The following AFM variants were observed in gnomAD, a reference collection of about 807,000 sequenced individuals.
AFM encodes alpha-Alb.
Under a neutral mutation model 68.7 loss-of-function variants are expected in AFM, and 82 were observed. That is an observed-to-expected ratio of 1.19 (90% CI 1.00 to 1.43). AFM has a LOEUF of 1.43. Among genes scored for constraint, AFM ranks in the 40% most tolerant of loss-of-function variants. AFM has a pLI of 0.00. For missense variants in AFM, 772 were observed against 701.8 expected (o/e 1.10, Z -1.13); for synonymous variants, 250 against 234.2 (o/e 1.07, Z -0.61).
chr4:73,496,979 TAATGAGGTAGTCTGTTTCTGATCCTTA>T (rs998899083), intron 9 of AFM, among the ~76,000 whole-genome samples: 1 of 152,164 alleles, frequency 6.6e-6, no homozygotes, highest in African/African-American at 2.4e-5. Flanking sequence ...TAACTGTCCC[TAATGAGGTAGTCTGTTTCTGATCCTTA>T]AATTAATCAT....
intron 5 of AFM, 71 bp downstream of exon 5, chr4:73,487,170 T>C (rs1720925060): frequency 4.6e-6 from 7 of 1,521,522 alleles, no homozygotes; most frequent in South Asian, 3.6e-5. Flanking sequence ...CCCTGACTTA[T>C]ATTATAGCAA....
intron 8 of AFM, 124 bp downstream of exon 8, chr4:73,492,210 T>TC (rs1721092700): frequency 1.2e-6 from 1 of 857,908 alleles, no homozygotes; most frequent in Non-Finnish European, 1.8e-6. Context: ...ATATAATTTT[T>TC]TTTTAAATCA....
chr4:73,486,896 C>T, intron 4 of AFM, 71 bp from the exon 5 acceptor site: 2 of 1,477,156 alleles, frequency 1.4e-6, no homozygotes, highest in African/African-American at 1.4e-5. Flanking sequence ...CCTTCCCTTC[C>T]CTTGTCTACA....
chr4:73,495,459 A>G (rs1721231336), intron 9 of AFM, 27 bp downstream of exon 9: 1 of 1,592,852 alleles, frequency 6.3e-7, no homozygotes, highest in South Asian at 1.2e-5. Context: ...TAGGTTCAGA[A>G]AATCAAAAAA....
chr4:73,492,172 C>A, intron 8 of AFM, 86 bp downstream of exon 8: 1 of 1,218,054 alleles, frequency 8.2e-7, no homozygotes, highest in Non-Finnish European at 1.2e-6. Flanking sequence ...GGTGGAAGGA[C>A]ATGGTACCGT....
chr4:73,486,887 C>T (rs541258955), intron 4 of AFM, 80 bp from the exon 5 acceptor site: 831 of 1,421,890 alleles, frequency 5.8e-4, no homozygotes, highest in Non-Finnish European at 7.6e-4. Context: ...CTTCCCTTCC[C>T]TTCCCTTCCC....
At chr4:73,485,576 AGAGAAG>A (rs1342493827) in intron 3 of AFM, among the ~76,000 whole-genome samples, 2 of 132,294 alleles carry the variant, frequency 1.5e-5, no homozygotes, top group Admixed American at 1.5e-4. Flanking sequence ...AGAAGGAGAA[AGAGAAG>A]GAGAAGGAGA....
chr4:73,503,402 C>T (rs1490448034), intron 14 of AFM, among the ~76,000 whole-genome samples: 1 of 152,102 alleles, frequency 6.6e-6, no homozygotes, highest in Non-Finnish European at 1.5e-5. Context: ...ATTCAGCTGT[C>T]TGGACCACAA....
chr4:73,487,202 A>C, intron 5 of AFM, 103 bp downstream of exon 5: 2 of 1,230,592 alleles, frequency 1.6e-6, no homozygotes, highest in Non-Finnish European at 2.3e-6. Context: ...ACCATATATG[A>C]TGTTCTCTTG....
rs761697468 is a variant in AFM, at chr4:73,500,058, C to G, written c.1477C>G (p.Pro493Ala). ...AGTAAATGAAAATCGAACTATCAAC[C>G]CTGCTGTGGACCACTGCTGTAAAAC... ...CGVNENRTIN[P>A]AVDHCCKTNF... Residue 493 changes from proline to alanine, a missense_variant, in exon 12 of 15, where the codon CCT becomes GCT. Transcript: ENST00000226355. The G allele has an allele frequency of 1.2e-6, 2 of 1,613,968 alleles. No individual in the cohort carries two copies. Among genetic ancestry groups the G allele is most frequent in the Non-Finnish European group, 1.7e-6 (2 of 1,179,946 alleles).
chr4:73,492,876 T>G lies in AFM; in HGVS notation c.1058+790T>G, dbSNP rs141604439. ...ATCCAGGGACTTTACTGTTTTTTTT[T>G]TTGTTGTTGTTTGTTTTTTTTATCT... On this transcript the variant is annotated intron_variant, in intron 8 of 14. Coordinates refer to ENST00000226355, the MANE Select transcript of AFM (RefSeq NM_001133.2). 9.9e-4 allele frequency among the ~76,000 whole-genome samples: 150 copies of G among 151,726 alleles called. 1 individual carries two copies. The East Asian group carries it at 0.013, about 13-fold the overall frequency.
chr4:73,487,705 T>C lies in AFM; in HGVS notation c.616-19T>C. 2 of 1,516,192 alleles carry C rather than the reference T, an allele frequency of 1.3e-6. No homozygotes were observed. The highest frequency in any genetic ancestry group is 1.8e-6 in the Non-Finnish European group (2 of 1,097,266). 93.9% of individuals were successfully genotyped at this position (1,516,192 alleles called of 1,614,324 possible). A position where few individuals can be genotyped will look rare whatever the true frequency, so the allele number is the denominator to read the frequency against. On this transcript the variant is annotated intron_variant, in intron 5 of 14. Coordinates refer to ENST00000226355, the MANE Select transcript of AFM (RefSeq NM_001133.2). ...AGATTTTGCTATTGTTTCAAAAGAA[T>C]TTTCTCTTTCTTCTTCAGGCAATAC...
chr4:73,486,019 A>C lies in AFM; in HGVS notation c.428A>C (p.Asp143Ala), dbSNP rs1720892870. The C allele has an allele frequency of 6.2e-7, 1 of 1,614,104 alleles. No homozygotes were observed. The highest frequency in any genetic ancestry group is 2.2e-5 in the East Asian group (1 of 44,884). ...TTTCTGCCTCCTTTCCCTACCCTGG[A>C]TCCCGAAGAGAAATGCCAGGCTTAT... ...VGFLPPFPTLDPEEKCQAYES... is the reference protein window; with the variant it reads ...VGFLPPFPTLAPEEKCQAYES... Residue 143 changes from aspartate to alanine, a missense_variant, in exon 4 of 15, where the codon GAT becomes GCT. Transcript: ENST00000226355.
At chr4:73,501,677 C>T (rs180963413) in intron 12 of AFM, 110 bp from the exon 13 acceptor site, 107 of 1,240,250 alleles carry the variant, frequency 8.6e-5, no homozygotes, top group Admixed American at 2.9e-4. Context: ...CAACTCTTTA[C>T]CCACACCCAA....
At position 73,487,078 on chromosome 4, in the gene AFM, A is replaced by G. The variant is rs755523532; in HGVS notation, c.594A>G (p.Lys198=). ...VAKSCCEEQN[K]VNCLQTRAIP... Reference sequence around the variant, plus strand: ...AATCATGTTGTGAAGAACAAAACAAAGTCAACTGCCTTCAAACAAGGGTGG... The same window carrying G: ...AATCATGTTGTGAAGAACAAAACAAGGTCAACTGCCTTCAAACAAGGGTGG... Residue 198 remains lysine, a synonymous_variant, in exon 5 of 15, where the codon AAA becomes AAG. Transcript: ENST00000226355. 1.2e-6 allele frequency: 2 copies of G among 1,614,044 alleles called. No homozygotes were observed. The highest frequency in any genetic ancestry group is 1.1e-5 in the South Asian group (1 of 91,072).
In AFM at chr4:73,491,854, CATTCTT is replaced by C; in HGVS notation, c.844-14_844-9del. ...CCAGCCTGAAAGTAAAATAATCTCT[CATTCTT>C]ATTTGGTACAGAGCAAGGTTATGAA... On this transcript the variant is annotated splice_polypyrimidine_tract_variant and intron_variant, in intron 7 of 14. Transcript: ENST00000226355. The C allele has an allele frequency of 6.3e-7, 1 of 1,595,434 alleles. No homozygotes were observed. Among genetic ancestry groups the C allele is most frequent in the Middle Eastern group, 1.7e-4 (1 of 6,008 alleles).
At chr4:73,503,696 T>C (rs1389462193) in intron 14 of AFM, among the ~76,000 whole-genome samples, 180 bp from the exon 15 acceptor site, 1 of 152,086 alleles carries the variant, frequency 6.6e-6, no homozygotes, top group Non-Finnish European at 1.5e-5. Context: ...TGCGTAGATA[T>C]AGGAGTTATA....
At position 73,484,331 on chromosome 4, in the gene AFM, G is replaced by T. The variant is rs1720802763; in HGVS notation, c.211G>T (p.Val71Leu). 3.7e-6 allele frequency: 6 copies of T among 1,613,384 alleles called. No individual in the cohort carries two copies. The highest frequency in any genetic ancestry group is 5.1e-6 in the Non-Finnish European group (6 of 1,179,722). ...AATGGAAAAGCTGGTGAAAGACATG[G>T]TAGAATACAAAGACAGATGTATGGC... Reference protein sequence around the residue: ...EEMEKLVKDMVEYKDRCMADK... With the variant: ...EEMEKLVKDMLEYKDRCMADK... Residue 71 changes from valine to leucine, a missense_variant, in exon 3 of 15, where the codon GTA becomes TTA. By Grantham distance (32) the Val-to-Leu change is conservative (BLOSUM62 1). Transcript: ENST00000226355.
chr4:73,490,312 G>A (rs1045932230), intron 7 of AFM, among the ~76,000 whole-genome samples: 4 of 152,100 alleles, frequency 2.6e-5, no homozygotes, highest in Non-Finnish European at 5.9e-5. Flanking sequence ...ATGGACAACA[G>A]ATGTTCCCAA....
Sources: gnomAD v4.1 joint callset for allele counts (sites outside exome capture counted in the v4.1 genomes callset) on GRCh38, gnomAD v4.1.1 for gene constraint, MANE v1.5 for transcripts, NCBI Gene and HGNC (gene_info 2026-07-23, HGNC 2026-07-21) for gene names.